TEX264: variants seen among roughly 807,000 people sequenced by gnomAD.
The protein encoded by TEX264 is testis expressed 264, ER-phagy receptor, also known as testis-expressed protein 264.
A neutral mutation model predicts 23.4 loss-of-function variants in TEX264; 13 were observed. The observed-to-expected ratio is 0.56, with a 90% CI of 0.36 to 0.88. The LOEUF is 0.88. Ranked by LOEUF, TEX264 falls within the 40% of genes least tolerant of loss-of-function variation. The pLI, the probability that TEX264 is intolerant of heterozygous loss-of-function variation, is 0.01. For synonymous variants in TEX264, 159 were observed against 170.0 expected, an observed-to-expected ratio of 0.94 and a Z score of 0.50; for missense variants, 340 against 406.8, an observed-to-expected ratio of 0.84 and a Z score of 1.41.
intron 4 of TEX264, among the ~76,000 whole-genome samples, chr3:51,701,849 C>G (rs1703317046): frequency 6.6e-6 from 1 of 152,178 alleles, no homozygotes; most frequent in Admixed American, 6.5e-5. Context: ...CCAGGCTGGT[C>G]TGGAACTCCT....
At chr3:51,694,190 G>A (rs1198408164) in intron 3 of TEX264, among the ~76,000 whole-genome samples, 1 of 150,914 alleles carries the variant, frequency 6.6e-6, no homozygotes, top group Non-Finnish European at 1.5e-5. Flanking sequence ...GGAGTGCAGT[G>A]GCGCGATCTC....
At chr3:51,680,562 T>C (rs1702392626) in intron 2 of TEX264, among the ~76,000 whole-genome samples, 1 of 152,238 alleles carries the variant, frequency 6.6e-6, no homozygotes, top group African/African-American at 2.4e-5. Context: ...TTCCTGGTAC[T>C]CTTGCTTTGA....
At chr3:51,676,783 GTGCTAACATA>G (rs1702245677) in intron 2 of TEX264, among the ~76,000 whole-genome samples, 1 of 152,244 alleles carries the variant, frequency 6.6e-6, no homozygotes, top group African/African-American at 2.4e-5. Flanking sequence ...AAAACCACTT[GTGCTAACATA>G]TGCTGAGAGG....
intron 2 of TEX264, chr3:51,683,989 G>A: frequency 4.6e-6 from 1 of 219,742 alleles, no homozygotes; most frequent in Non-Finnish European, 9.1e-6. Context: ...ATCAGCCACT[G>A]TACAGTTCTG....
chr3:51,689,355 A>G (rs1368118853), intron 3 of TEX264, among the ~76,000 whole-genome samples: 2 of 151,896 alleles, frequency 1.3e-5, no homozygotes, highest in East Asian at 3.9e-4. Context: ...GCTTGAGCTC[A>G]GGAGACAGAG....
chr3:51,680,620 T>C (rs1309520397), intron 2 of TEX264, among the ~76,000 whole-genome samples: 1 of 152,262 alleles, frequency 6.6e-6, no homozygotes, highest in African/African-American at 2.4e-5. Flanking sequence ...GTGGTGGGTC[T>C]GGCCACTGCC....
intron 3 of TEX264, among the ~76,000 whole-genome samples, chr3:51,698,083 C>T (rs145985336): frequency 3.0e-4 from 46 of 152,248 alleles, no homozygotes; most frequent in African/African-American, 6.3e-4. Context: ...ATCCACCTCC[C>T]GCGTGGCCTC....
At chr3:51,700,952 T>C (rs1225895028) in intron 4 of TEX264, among the ~76,000 whole-genome samples, 1 of 152,188 alleles carries the variant, frequency 6.6e-6, no homozygotes, top group East Asian at 1.9e-4. Context: ...GGTGGGTGCA[T>C]GCAGGATGTC....
At position 51,684,643 on chromosome 3, in the gene TEX264, C is replaced by G; in HGVS notation, c.480+9C>G. On this transcript the variant is annotated intron_variant, in intron 3 of 4. Coordinates refer to ENST00000341333, the MANE Select transcript of TEX264 (RefSeq NM_015926.6). The stretch of plus-strand genomic sequence containing the variant: ...TGGACACCTACATCAAGGTGAGGCA[C>G]AGGCCTGGGGTGTGTGTGTTGGGGA... The G allele has an allele frequency of 1.2e-6, 2 of 1,613,794 alleles. No individual in the cohort carries two copies. The highest frequency in any genetic ancestry group is 1.7e-6 in the Non-Finnish European group (2 of 1,179,724).
chr3:51,690,663 G>A (rs1702795941), intron 3 of TEX264, among the ~76,000 whole-genome samples: 1 of 152,110 alleles, frequency 6.6e-6, no homozygotes. Flanking sequence ...AACATGGGAA[G>A]CTTCCAAACT....
chr3:51,676,063 G>A (rs1209291167), intron 2 of TEX264, among the ~76,000 whole-genome samples: 1 of 152,206 alleles, frequency 6.6e-6, no homozygotes, highest in Non-Finnish European at 1.5e-5. Flanking sequence ...CCAGGAGATG[G>A]CACTAACTGA....
rs1366842163 is a variant in TEX264 at position 51,703,303 on chromosome 3, T to G, written c.650-421T>G. Among the ~76,000 whole-genome samples, 1 of 152,092 alleles carries G rather than the reference T, an allele frequency of 6.6e-6. No individual in the cohort carries two copies. The highest frequency in any genetic ancestry group is 1.5e-5 in the Non-Finnish European group (1 of 68,006). On this transcript the variant is annotated intron_variant, in intron 4 of 4. Coordinates refer to ENST00000341333, the MANE Select transcript of TEX264 (RefSeq NM_015926.6). This position sits in a 1 kb window ranked among gnomAD's most constrained non-coding sequence, Gnocchi z 4.8. Reference sequence around the variant, plus strand: ...CTGTAGCTGGCCCTGGACACATCTCTTTCCAAGCTTGAAGTGGGGGTGGGG... The same window carrying G: ...CTGTAGCTGGCCCTGGACACATCTCGTTCCAAGCTTGAAGTGGGGGTGGGG...
chr3:51,702,322 A>G (rs1703338521), intron 4 of TEX264, among the ~76,000 whole-genome samples: 1 of 152,128 alleles, frequency 6.6e-6, no homozygotes, highest in Admixed American at 6.5e-5. Context: ...CACCTCATTC[A>G]CAGGCTTCTG....
In TEX264 at chr3:51,696,196, C is replaced by T. The variant is rs537145079; in HGVS notation, c.481-3210C>T. 2.6e-5 allele frequency among the ~76,000 whole-genome samples: 4 copies of T among 152,234 alleles called. No individual in the cohort carries two copies. The East Asian group carries it at 5.8e-4, about 22-fold the overall frequency. On this transcript the variant is annotated intron_variant, in intron 3 of 4. Transcript: ENST00000341333. ...TGGTGTCAGTGGCAGAGCACGTTCT[C>T]ATGTCCTGGCAATGCTTCCACACAC... is the stretch of plus-strand genomic sequence containing the variant.
At chr3:51,689,588 C>T (rs373499230) in intron 3 of TEX264, among the ~76,000 whole-genome samples, 1 of 152,114 alleles carries the variant, frequency 6.6e-6, no homozygotes, top group Non-Finnish European at 1.5e-5. Flanking sequence ...TGTACTCAGA[C>T]CCTTTCCTGC....
chr3:51,688,229 G>T (rs1205812854), intron 3 of TEX264, among the ~76,000 whole-genome samples: 1 of 152,238 alleles, frequency 6.6e-6, no homozygotes, highest in African/African-American at 2.4e-5. Flanking sequence ...AACAGAGCTT[G>T]CTTGAAATTG....
chr3:51,683,678 T>G (rs1034996026), intron 2 of TEX264: 3 of 152,184 alleles, frequency 2.0e-5, no homozygotes, highest in Non-Finnish European at 2.9e-5. Flanking sequence ...GGATGATCTC[T>G]TCACAGAATT....
At chr3:51,672,515 G>A (rs968325496) in intron 1 of TEX264, 2 of 152,266 alleles carry the variant, frequency 1.3e-5, no homozygotes, top group African/African-American at 4.8e-5. Flanking sequence ...ATCAGGGTGA[G>A]GGCTTGTCAT....
rs113110277 is a variant in TEX264 at position 51,698,355 on chromosome 3, G to T, written c.481-1051G>T. Among the ~76,000 whole-genome samples the T allele has an allele frequency of 7.5e-3, 1,136 of 152,294 alleles. 10 individuals are homozygous for T. Among genetic ancestry groups the T allele is most frequent in the South Asian group, 0.015 (71 of 4,826 alleles). On this transcript the variant is annotated intron_variant, in intron 3 of 4. Transcript: ENST00000341333. Reference sequence around the variant, plus strand: ...TCATTTCAGAGCTCATGGTGAGAGCGGGGCGAATGCTATAAATAGTCGTGT... The same window carrying T: ...TCATTTCAGAGCTCATGGTGAGAGCTGGGCGAATGCTATAAATAGTCGTGT...
Sources: gnomAD v4.1 joint callset for allele counts (sites outside exome capture counted in the v4.1 genomes callset) on GRCh38, gnomAD v4.1.1 for gene constraint, Gnocchi (gnomAD v3.1) non-coding constraint, MANE v1.5 for transcripts, NCBI Gene and HGNC (gene_info 2026-07-23, HGNC 2026-07-21) for gene names.